Variants in CACNA1B observed in about 807,000 individuals in gnomAD.
CACNA1B encodes the protein voltage-dependent N-type calcium channel subunit alpha-1B.
A neutral mutation model predicts 247.2 loss-of-function variants in CACNA1B; 70 were observed. That is an observed-to-expected ratio of 0.28 (90% CI 0.23 to 0.35). CACNA1B has a LOEUF of 0.35. Among genes scored for constraint, CACNA1B ranks in the 10% least tolerant of loss-of-function variants. The pLI, the probability that CACNA1B is intolerant of heterozygous loss-of-function variation, is 1.00. For missense variants in CACNA1B, 2,367 were observed against 3,197.4 expected, an observed-to-expected ratio of 0.74 and a Z score of 6.26; for synonymous variants, 1,231 against 1,294.4, an observed-to-expected ratio of 0.95 and a Z score of 1.05.
chr9:138,069,651 C>A, intron 31 of CACNA1B, 107 bp from the exon 32 acceptor site: 1 of 808,942 alleles, frequency 1.2e-6, no homozygotes, highest in Non-Finnish European at 2.2e-6. Flanking sequence ...AACCAACATA[C>A]AATGCGAAAA....
chr9:137,998,890 C>T (rs534700777), intron 15 of CACNA1B, among the ~76,000 whole-genome samples: 2 of 152,282 alleles, frequency 1.3e-5, no homozygotes, highest in Admixed American at 1.3e-4. Context: ...AAAACATGAA[C>T]CAGTTGTCAC....
In CACNA1B at chr9:137,971,648, G is replaced by A. The variant is rs891204453; in HGVS notation, c.1543+56G>A. On this transcript the variant is annotated intron_variant, in intron 11 of 46. Coordinates refer to ENST00000371372, the MANE Select transcript of CACNA1B (RefSeq NM_000718.4). The surrounding 1 kb of genome is among the most constrained non-coding windows in gnomAD (Gnocchi z 4.4). ...TCCTGAGCATCTCTGCTCTCAGTCT[G>A]GAAACCCTGGTCCATGCCCTGGGGC... 4.1e-6 allele frequency: 6 copies of A among 1,470,908 alleles called. No homozygotes were observed. In the Admixed American group the frequency reaches 9.3e-5, roughly 23 times the overall value. 91.1% of individuals were successfully genotyped at this position (1,470,908 alleles called of 1,614,324 possible).
At chr9:138,053,567 G>A (rs1959372672) in intron 25 of CACNA1B, among the ~76,000 whole-genome samples, 1 of 151,112 alleles carries the variant, frequency 6.6e-6, no homozygotes, top group African/African-American at 2.4e-5. Context: ...TCCACCTCTT[G>A]TCATGGCTCC....
At chr9:137,932,807 T>C (rs1957622753) in intron 6 of CACNA1B, among the ~76,000 whole-genome samples, 1 of 152,248 alleles carries the variant, frequency 6.6e-6, no homozygotes, top group South Asian at 2.1e-4. Flanking sequence ...ATGAAAACCG[T>C]ACAGGTTATC....
chr9:138,043,664 C>A (rs949760438), intron 20 of CACNA1B, 110 bp from the exon 21 acceptor site: 6 of 1,227,834 alleles, frequency 4.9e-6, no homozygotes, highest in African/African-American at 4.5e-5. Context: ...CCCTGGTGGG[C>A]CTGTGAGGAC....
chr9:138,013,372 C>T, intron 18 of CACNA1B, 137 bp downstream of exon 18: 1 of 611,618 alleles, frequency 1.6e-6, no homozygotes, highest in East Asian at 2.9e-5. Flanking sequence ...CACAGCCCCT[C>T]CTCGGAACTG....
Position 137,986,344 on chromosome 9 carries a change from G to A in CACNA1B, c.1770-69G>A. ...AGAAAGTCAGTGGAGCCTTAAGTGT[G>A]GCTGCAGAGAGCCATGAATGTGAAG... On this transcript the variant is annotated intron_variant, in intron 13 of 46. Coordinates refer to ENST00000371372, the MANE Select transcript of CACNA1B (RefSeq NM_000718.4). This position sits in a 1 kb window ranked among gnomAD's most constrained non-coding sequence, Gnocchi z 6.0. 1 of 1,566,872 alleles carries A rather than the reference G, an allele frequency of 6.4e-7. No individual in the cohort carries two copies. The highest frequency in any genetic ancestry group is 8.7e-7 in the Non-Finnish European group (1 of 1,148,074).
intron 3 of CACNA1B, among the ~76,000 whole-genome samples, chr9:137,894,690 G>A (rs1175806877): frequency 3.3e-5 from 5 of 152,176 alleles, no homozygotes; most frequent in African/African-American, 1.2e-4. Flanking sequence ...TTACAGGCAT[G>A]AGCCACCGTG....
chr9:138,055,765 G>A (rs1482083185), intron 26 of CACNA1B, among the ~76,000 whole-genome samples: 1 of 152,088 alleles, frequency 6.6e-6, no homozygotes, highest in Admixed American at 6.5e-5. Context: ...GGTGGCTCAC[G>A]CCTGTAATCC....
At chr9:138,017,884 G>T (rs1748105434) in intron 18 of CACNA1B, among the ~76,000 whole-genome samples, 1 of 152,208 alleles carries the variant, frequency 6.6e-6, no homozygotes, top group Non-Finnish European at 1.5e-5. Flanking sequence ...CAGGTGAGGG[G>T]TCCCTGAAGT....
chr9:137,959,338 G>T (rs1212173680), intron 10 of CACNA1B, among the ~76,000 whole-genome samples: 1 of 152,198 alleles, frequency 6.6e-6, no homozygotes, highest in African/African-American at 2.4e-5. Context: ...CTCCCAAAGG[G>T]CTGGGATTAC....
intron 20 of CACNA1B, among the ~76,000 whole-genome samples, chr9:138,036,339 C>T (rs371391108): frequency 2.0e-5 from 3 of 152,282 alleles, no homozygotes; most frequent in East Asian, 3.9e-4. Context: ...TGGCGTTTCA[C>T]TGTGTTAGCC....
rs573654709 is a variant in CACNA1B, at chr9:137,880,945, C to T, written c.390+1786C>T. Among the ~76,000 whole-genome samples the T allele has an allele frequency of 6.6e-6, 1 of 152,322 alleles. No homozygotes were observed. The highest frequency in any genetic ancestry group is 1.9e-4 in the East Asian group (1 of 5,170). ...CTACCTCGAGCCAGGCCCCAGCTTGCAGTGCAACACCAAGCTGCCTGCACA... is the reference window on the plus strand; with the variant it reads ...CTACCTCGAGCCAGGCCCCAGCTTGTAGTGCAACACCAAGCTGCCTGCACA... On this transcript the variant is annotated intron_variant, in intron 2 of 46. Coordinates refer to ENST00000371372, the MANE Select transcript of CACNA1B (RefSeq NM_000718.4). The surrounding 1 kb of genome is among the most constrained non-coding windows in gnomAD (Gnocchi z 4.8).
At chr9:137,975,367 C>T (rs748703209) in intron 11 of CACNA1B, among the ~76,000 whole-genome samples, 3 of 152,142 alleles carry the variant, frequency 2.0e-5, no homozygotes, top group Non-Finnish European at 2.9e-5. Flanking sequence ...GAACAGAATA[C>T]AAGTCAGCCA....
Position 138,001,317 on chromosome 9 carries a change from A to T in CACNA1B, c.1975-5450A>T, listed in dbSNP as rs181045371. On this transcript the variant is annotated intron_variant, in intron 15 of 46. Coordinates refer to ENST00000371372, the MANE Select transcript of CACNA1B (RefSeq NM_000718.4). ...AAAGAGTATCTACAAAAACCCTACA[A>T]CCAGGATGGGTGATAGCTAATGGGT... Among the ~76,000 whole-genome samples, 3 of 86,434 alleles carry T rather than the reference A, an allele frequency of 3.5e-5. No individual in the cohort carries two copies. The East Asian group carries it at 1.9e-3, about 54-fold the overall frequency. The allele number at this position is 86,434 out of a possible 152,430, so 56.7% of individuals were successfully genotyped here.
intron 6 of CACNA1B, among the ~76,000 whole-genome samples, chr9:137,938,986 G>A (rs1957700397): frequency 6.6e-6 from 1 of 152,016 alleles, no homozygotes; most frequent in African/African-American, 2.4e-5. Context: ...CAGGAGAATG[G>A]CGTGAACCCA....
At chr9:138,113,500 G>A (rs538070634) in intron 40 of CACNA1B, among the ~76,000 whole-genome samples, 48 of 150,886 alleles carry the variant, frequency 3.2e-4, no homozygotes, top group African/African-American at 5.4e-4. Context: ...TGTGGGAGAC[G>A]TGAGGGAGCG....
In CACNA1B at chr9:137,988,256, G is replaced by T. The variant is rs1958390366; in HGVS notation, c.1974+1402G>T. Among the ~76,000 whole-genome samples the T allele has an allele frequency of 5.3e-5, 8 of 152,238 alleles. No individual in the cohort carries two copies. The South Asian group carries it at 1.7e-3, about 32-fold the overall frequency. ...GTCAGGCAAGGGAAACTGGGAGGAG[G>T]CATTCCCAGCAAAGCAGCAAAAACG... On this transcript the variant is annotated intron_variant, in intron 15 of 46. Transcript: ENST00000371372.
rs1224430501 is a variant in CACNA1B at position 137,893,674 on chromosome 9, T to C, written c.530+10791T>C. On this transcript the variant is annotated intron_variant, in intron 3 of 46. Transcript: ENST00000371372. ...TCAAAAAAAAAAAAATGAAACAAAA[T>C]AAAATAAAATAAAATAAAGGTTTTA... 2.0e-5 allele frequency among the ~76,000 whole-genome samples: 3 copies of C among 151,192 alleles called. No homozygotes were observed. In the East Asian group the frequency reaches 5.8e-4, roughly 29 times the overall value.
Sources: gnomAD v4.1 joint callset for allele counts (sites outside exome capture counted in the v4.1 genomes callset) on GRCh38, gnomAD v4.1.1 for gene constraint, Gnocchi (gnomAD v3.1) non-coding constraint, MANE v1.5 for transcripts, NCBI Gene and HGNC (gene_info 2026-07-23, HGNC 2026-07-21) for gene names.